Variants in SNRK observed in about 807,000 individuals in gnomAD.
The protein encoded by SNRK is SNF-related serine/threonine-protein kinase.
A neutral mutation model predicts 48.2 loss-of-function variants in SNRK; 3 were observed. The ratio of observed to expected loss-of-function variants is 0.06; its 90% CI spans 0.03 to 0.16. The LOEUF (loss-of-function observed/expected upper bound fraction) is 0.16. SNRK is among the 10% of genes least tolerant of loss of function. The pLI is 1.00. For synonymous variants in SNRK, 376 were observed against 366.1 expected, an observed-to-expected ratio of 1.03 and a Z score of -0.31; for missense variants, 627 against 976.0, an observed-to-expected ratio of 0.64 and a Z score of 4.76.
intron 3 of SNRK, among the ~76,000 whole-genome samples, chr3:43,324,790 A>G (rs1480893960): frequency 2.0e-5 from 3 of 152,232 alleles, no homozygotes; most frequent in Admixed American, 6.5e-5. Flanking sequence ...TTTAGGTGTT[A>G]TGCATGGAGA....
intron 3 of SNRK, among the ~76,000 whole-genome samples, chr3:43,312,242 G>A (rs1158045413): frequency 6.6e-6 from 1 of 152,102 alleles, no homozygotes; most frequent in African/African-American, 2.4e-5. Context: ...GCTCCATATG[G>A]ATACAGTGCA....
In SNRK at chr3:43,348,443, T is replaced by C. The variant is rs368278899; in HGVS notation, c.2184T>C (p.Asn728=). The change falls in exon 7 of 7, where the codon AAT becomes AAC. Residue 728 remains asparagine (N), a synonymous_variant. Coordinates refer to ENST00000296088, the MANE Select transcript of SNRK (RefSeq NM_017719.5). ...GGATAAAGAGCAAGAACCTGAAAAA[T>C]AACGTGCTGCAGCTACCTCTGTGCG... The part of the protein sequence containing the change: ...LERIKSKNLK[N]NVLQLPLCEK... 5 of 1,611,890 alleles carry C rather than the reference T, an allele frequency of 3.1e-6. No homozygotes were observed. In the African/African-American group the frequency reaches 6.7e-5, roughly 22 times the overall value.
intron 1 of SNRK, among the ~76,000 whole-genome samples, chr3:43,288,058 C>T (rs1381404167): frequency 6.6e-6 from 1 of 151,966 alleles, no homozygotes; most frequent in East Asian, 1.9e-4. Context: ...TGTAATTGTC[C>T]TTGAGAGGAG....
At chr3:43,323,999 G>T (rs2091074939) in intron 3 of SNRK, among the ~76,000 whole-genome samples, 1 of 152,116 alleles carries the variant, frequency 6.6e-6, no homozygotes, top group Non-Finnish European at 1.5e-5. Context: ...CTTGATTGTG[G>T]TAGTTATGTG....
At chr3:43,291,147 G>A (rs893608568) in intron 1 of SNRK, among the ~76,000 whole-genome samples, 3 of 152,162 alleles carry the variant, frequency 2.0e-5, no homozygotes, top group Non-Finnish European at 4.4e-5. Flanking sequence ...TGGAATACAT[G>A]CCTGACCTTG....
chr3:43,323,637 A>G (rs1416612863), intron 3 of SNRK, among the ~76,000 whole-genome samples: 2 of 152,232 alleles, frequency 1.3e-5, no homozygotes, highest in African/African-American at 2.4e-5. Context: ...ATGAGAATTT[A>G]TGTTTATACA....
At chr3:43,290,577 G>T (rs1024066235) in intron 1 of SNRK, among the ~76,000 whole-genome samples, 8 of 152,108 alleles carry the variant, frequency 5.3e-5, no homozygotes, top group African/African-American at 1.7e-4. Context: ...TATACCAGCT[G>T]CCCTCATTTT....
chr3:43,304,153 T>C (rs1451520239), intron 3 of SNRK, among the ~76,000 whole-genome samples: 3 of 152,214 alleles, frequency 2.0e-5, no homozygotes, highest in African/African-American at 4.8e-5. Context: ...CTAACAATCA[T>C]TGGAGACCCA....
intron 3 of SNRK, among the ~76,000 whole-genome samples, chr3:43,331,697 C>G (rs756630103): frequency 6.6e-6 from 1 of 152,028 alleles, no homozygotes; most frequent in South Asian, 2.1e-4. Context: ...AATTTTCTTG[C>G]GTATAAAATG....
intron 4 of SNRK, among the ~76,000 whole-genome samples, chr3:43,339,786 A>G (rs1352543971): frequency 7.4e-6 from 1 of 134,728 alleles, no homozygotes; most frequent in African/African-American, 2.7e-5. Flanking sequence ...ACTGCACTCC[A>G]GCTTGGCAAT....
intron 6 of SNRK, among the ~76,000 whole-genome samples, chr3:43,345,182 A>G (rs552977404): frequency 6.6e-6 from 1 of 152,354 alleles, no homozygotes; most frequent in East Asian, 1.9e-4. Context: ...TGGAGAAGCT[A>G]TGAGCACCTT....
chr3:43,346,350 T>C (rs995504165), intron 6 of SNRK, among the ~76,000 whole-genome samples: 1 of 152,220 alleles, frequency 6.6e-6, no homozygotes, highest in Non-Finnish European at 1.5e-5. Context: ...GTTCCTGCTT[T>C]ATTATTATAA....
At chr3:43,329,537 A>AC (rs1255216748) in intron 3 of SNRK, among the ~76,000 whole-genome samples, 2 of 152,182 alleles carry the variant, frequency 1.3e-5, no homozygotes, top group Admixed American at 1.3e-4. Flanking sequence ...TCTGAAACTT[A>AC]GTTACCCTGC....
intron 5 of SNRK, chr3:43,340,744 T>G: frequency 2.0e-6 from 1 of 507,780 alleles, no homozygotes; most frequent in South Asian, 2.3e-5. Context: ...CTGTGGCCTT[T>G]TCCCCATTCT....
chr3:43,315,592 C>G (rs536070126), intron 3 of SNRK, among the ~76,000 whole-genome samples: 1 of 151,688 alleles, frequency 6.6e-6, no homozygotes, highest in African/African-American at 2.4e-5. Context: ...TCCTGACTAT[C>G]GAGTTTGGGA....
intron 1 of SNRK, among the ~76,000 whole-genome samples, chr3:43,297,475 A>G (rs1246414518): frequency 1.3e-5 from 2 of 152,130 alleles, no homozygotes; most frequent in Non-Finnish European, 2.9e-5. Flanking sequence ...TTTATTTTTT[A>G]AAATTGTGTC....
intron 6 of SNRK, among the ~76,000 whole-genome samples, chr3:43,344,866 C>T (rs991995259): frequency 1.3e-5 from 2 of 152,076 alleles, no homozygotes; most frequent in East Asian, 3.9e-4. Flanking sequence ...GAGACTGGAG[C>T]TACCACCAGG....
Position 43,342,904 on chromosome 3 carries a change from A to T in SNRK, c.945-440A>T, listed in dbSNP as rs534252169. Among the ~76,000 whole-genome samples the T allele has an allele frequency of 9.8e-5, 15 of 152,350 alleles. No individual in the cohort carries two copies. In the South Asian group the frequency reaches 3.1e-3, roughly 32 times the overall value. On this transcript the variant is annotated intron_variant, in intron 5 of 6. Coordinates refer to ENST00000296088, the MANE Select transcript of SNRK (RefSeq NM_017719.5). ...GAGTATGAAAATAAAAACATTTGCT[A>T]AGTTTTCTGACTGATATTAGTACTT... is the stretch of plus-strand genomic sequence containing the variant.
At chr3:43,287,617 T>C (rs978431366) in intron 1 of SNRK, among the ~76,000 whole-genome samples, 1 of 152,208 alleles carries the variant, frequency 6.6e-6, no homozygotes, top group African/African-American at 2.4e-5. Context: ...TAAAGTTGAC[T>C]TAATGCCTTA....
Sources: allele counts gnomAD v4.1 joint callset (sites outside exome capture counted in the v4.1 genomes callset), GRCh38; gene constraint gnomAD v4.1.1; transcripts MANE v1.5; gene names NCBI Gene and HGNC (gene_info 2026-07-23, HGNC 2026-07-21).